VLDLR: variants seen among roughly 807,000 people sequenced by gnomAD.
VLDLR encodes very low density lipoprotein receptor, also known as very low-density lipoprotein receptor.
Under a neutral mutation model 112.7 loss-of-function variants are expected in VLDLR, and 81 were observed. The ratio of observed to expected loss-of-function variants is 0.72; its 90% CI spans 0.60 to 0.86. The LOEUF is 0.86. Among genes scored for constraint, VLDLR ranks in the 40% least tolerant of loss-of-function variants. The pLI is 0.00. For synonymous variants in VLDLR, 436 were observed against 384.8 expected (o/e 1.13, Z -1.56); for missense variants, 1,237 against 1,099.4 (o/e 1.13, Z -1.77).
chr9:2,622,717 G>A (rs377064951), intron 1 of VLDLR, among the ~76,000 whole-genome samples: 2 of 152,202 alleles, frequency 1.3e-5, no homozygotes, highest in African/African-American at 2.4e-5. Context: ...GGAGCGGACG[G>A]GGGGAGAAGG....
intron 15 of VLDLR, among the ~76,000 whole-genome samples, chr9:2,650,994 G>A (rs949931840): frequency 1.3e-5 from 2 of 152,172 alleles, no homozygotes; most frequent in African/African-American, 4.8e-5. Flanking sequence ...CAAGGAGCTT[G>A]TATGGTGAGG....
intron 18 of VLDLR, 55 bp from the exon 19 acceptor site, chr9:2,653,778 A>C (rs566328148): frequency 3.1e-6 from 5 of 1,601,730 alleles, no homozygotes; most frequent in East Asian, 2.2e-5. Context: ...TAAAGACTAG[A>C]GTTGCCATCA....
intron 10 of VLDLR, 41 bp from the exon 11 acceptor site, chr9:2,646,293 G>A (rs41271163): frequency 3.1e-6 from 5 of 1,600,340 alleles, no homozygotes; most frequent in Admixed American, 1.7e-5. Context: ...AGCTCTAATT[G>A]TGTCAAACTC....
At chr9:2,633,680 A>G (rs1162510370) in intron 1 of VLDLR, among the ~76,000 whole-genome samples, 1 of 152,156 alleles carries the variant, frequency 6.6e-6, no homozygotes, top group Admixed American at 6.5e-5. Flanking sequence ...ATTCTTTCCA[A>G]GTATATTTAT....
intron 14 of VLDLR, 41 bp downstream of exon 14, chr9:2,648,851 G>C (rs765529698): frequency 1.2e-6 from 2 of 1,612,664 alleles, no homozygotes; most frequent in African/African-American, 2.7e-5. Context: ...TACTTTAAGG[G>C]AAGCAGCATG....
rs768899992 is a variant in VLDLR at position 2,648,722 on chromosome 9, A to T, written c.2016A>T (p.Lys672Asn). ...GENEAVYGAN[K>N]FTGSELATLV... ...ATGAAGCAGTCTATGGTGCCAATAA[A>T]TTCACTGGATCAGAGCTAGCCACTC... Residue 672 changes from lysine to asparagine, a missense_variant, in exon 14 of 19, where the codon AAA (lysine) becomes AAT (asparagine). Lys to Asn is a moderately conservative substitution (Grantham distance 94, BLOSUM62 0). Coordinates refer to ENST00000382100, the MANE Select transcript of VLDLR (RefSeq NM_003383.5). 6.2e-7 allele frequency: 1 copy of T among 1,614,166 alleles called. No individual in the cohort carries two copies. Among genetic ancestry groups the T allele is most frequent in the African/African-American group, 1.3e-5 (1 of 75,036 alleles).
chr9:2,633,162 A>T (rs1009196554), intron 1 of VLDLR, among the ~76,000 whole-genome samples: 1 of 152,014 alleles, frequency 6.6e-6, no homozygotes, highest in African/African-American at 2.4e-5. Flanking sequence ...AATATCTCGG[A>T]TAAGAAAAGC....
intron 3 of VLDLR, 58 bp downstream of exon 3, chr9:2,640,039 C>G: frequency 6.2e-7 from 1 of 1,613,600 alleles, no homozygotes; most frequent in Admixed American, 1.7e-5. Context: ...TCTAACATTT[C>G]TAAGTATTGC....
chr9:2,646,224 C>G (rs749796854), intron 10 of VLDLR, 110 bp from the exon 11 acceptor site: 6 of 1,008,242 alleles, frequency 6.0e-6, no homozygotes, highest in Non-Finnish European at 9.3e-6. Context: ...GTGGTGTTAA[C>G]TGGATTTCTT....
At chr9:2,651,207 C>T (rs567316798) in intron 15 of VLDLR, among the ~76,000 whole-genome samples, 2 of 152,260 alleles carry the variant, frequency 1.3e-5, no homozygotes, top group East Asian at 1.9e-4. Context: ...TTCCAAACAC[C>T]GACTGTCCTT....
In VLDLR at chr9:2,659,632, A is replaced by C. The variant is rs1192631775; in HGVS notation, c.*5764A>C. The C allele has an allele frequency of 6.6e-6, 1 of 152,246 alleles. No homozygotes were observed. Among genetic ancestry groups the C allele is most frequent in the Non-Finnish European group, 1.5e-5 (1 of 68,050 alleles). 9.4% of individuals were successfully genotyped at this position (152,246 alleles called of 1,614,324 possible). Reference sequence around the variant, plus strand: ...ACAAACTGTACCACAACAAATCTTAAGTTTCAAGGCTCTCCTATAGGGAGA... The same window carrying C: ...ACAAACTGTACCACAACAAATCTTACGTTTCAAGGCTCTCCTATAGGGAGA... On this transcript the variant is annotated 3_prime_UTR_variant, in exon 19 of 19. Coordinates refer to ENST00000382100, the MANE Select transcript of VLDLR (RefSeq NM_003383.5).
At chr9:2,633,140 G>A (rs1474530719) in intron 1 of VLDLR, among the ~76,000 whole-genome samples, 1 of 151,738 alleles carries the variant, frequency 6.6e-6, no homozygotes, top group Non-Finnish European at 1.5e-5. Context: ...GCAGAAGCTT[G>A]AGTAAAGTGG....
chr9:2,634,468 G>C (rs559867786), intron 1 of VLDLR, among the ~76,000 whole-genome samples: 1 of 152,112 alleles, frequency 6.6e-6, no homozygotes, highest in Middle Eastern at 3.2e-3. Flanking sequence ...GCCTTTTATC[G>C]TGAAGCAATC....
intron 1 of VLDLR, among the ~76,000 whole-genome samples, chr9:2,622,562 C>T (rs566682025): frequency 1.5e-3 from 233 of 152,370 alleles, no homozygotes; most frequent in Admixed American, 3.2e-3. Context: ...CGTTTCTCGC[C>T]CTCTTGACGG....
intron 16 of VLDLR, 96 bp from the exon 17 acceptor site, chr9:2,651,778 A>C: frequency 7.5e-7 from 1 of 1,330,694 alleles, no homozygotes; most frequent in Non-Finnish European, 1.1e-6. Context: ...CTGAACATCA[A>C]TATTGGATGC....
rs1014123360 is a variant in VLDLR at position 2,621,836 on chromosome 9, C to T, written c.-354C>T. ...TGCGGGTGCTCCGCTACCGGCTCCTCTCCGTTCTGTGCTCTCTTCTGCTCT... is the reference window on the plus strand; with the variant it reads ...TGCGGGTGCTCCGCTACCGGCTCCTTTCCGTTCTGTGCTCTCTTCTGCTCT... On this transcript the variant is annotated 5_prime_UTR_variant, in exon 1 of 19. Coordinates refer to ENST00000382100, the MANE Select transcript of VLDLR (RefSeq NM_003383.5). 9.5e-6 allele frequency: 5 copies of T among 528,202 alleles called. No homozygotes were observed. Among genetic ancestry groups the T allele is most frequent in the African/African-American group, 1.9e-5 (1 of 51,640 alleles). The allele number at this position is 528,202 out of a possible 1,614,324, so 32.7% of individuals were successfully genotyped here.
intron 2 of VLDLR, among the ~76,000 whole-genome samples, chr9:2,636,494 A>G (rs1030402983): frequency 3.3e-5 from 5 of 152,138 alleles, no homozygotes; most frequent in African/African-American, 9.7e-5. Flanking sequence ...AAAATGCTAT[A>G]AAGTATGCAT....
chr9:2,651,145 G>T (rs35341969), intron 15 of VLDLR, among the ~76,000 whole-genome samples: 64 of 152,158 alleles, frequency 4.2e-4, no homozygotes, highest in African/African-American at 1.5e-3. Context: ...AGGAACATGG[G>T]ATGTTGTTTA....
At chr9:2,635,671 C>G in intron 2 of VLDLR, 99 bp downstream of exon 2, 5 of 1,570,770 alleles carry the variant, frequency 3.2e-6, no homozygotes, top group Non-Finnish European at 4.4e-6. Context: ...CCACTTCTAA[C>G]AATTGCTTTG....
Sources: allele counts gnomAD v4.1 joint callset (sites outside exome capture counted in the v4.1 genomes callset), GRCh38; gene constraint gnomAD v4.1.1; transcripts MANE v1.5; gene names NCBI Gene and HGNC (gene_info 2026-07-23, HGNC 2026-07-21).